The following EPHA6 variants were observed in gnomAD, a reference collection of about 807,000 sequenced individuals.
EPHA6 encodes the protein ephrin type-A receptor 6.
EPHA6 carries 50 observed loss-of-function variants against 112.0 expected under a neutral mutation model. The observed-to-expected ratio is 0.45, with a 90% CI of 0.36 to 0.56. EPHA6 has a LOEUF of 0.56. EPHA6 is among the 20% of genes least tolerant of loss of function. The probability of loss-of-function intolerance (pLI) is 0.00; values close to 1 mark genes in which losing one functional copy is unlikely to be tolerated. For missense variants in EPHA6, 1,280 were observed against 1,417.4 expected, an observed-to-expected ratio of 0.90 and a Z score of 1.56; for synonymous variants, 529 against 490.7, an observed-to-expected ratio of 1.08 and a Z score of -1.03.
chr3:97,653,445 G>A (rs190626763), intron 14 of EPHA6, among the ~76,000 whole-genome samples: 123 of 151,940 alleles, frequency 8.1e-4, no homozygotes, highest in African/African-American at 2.7e-3. Flanking sequence ...AAATAAAAAC[G>A]CAATAAGATA....
At chr3:96,950,340 A>C (rs1276535050) in intron 2 of EPHA6, among the ~76,000 whole-genome samples, 2 of 152,098 alleles carry the variant, frequency 1.3e-5, no homozygotes, top group African/African-American at 4.8e-5. Context: ...AAAGTGTAGG[A>C]CCTCTTAGGC....
intron 3 of EPHA6, among the ~76,000 whole-genome samples, chr3:97,032,462 GAAT>G (rs1419337549): frequency 6.6e-6 from 1 of 151,360 alleles, no homozygotes; most frequent in East Asian, 1.9e-4. Context: ...AAAATAAAAA[GAAT>G]AAAAAAAAGG....
chr3:97,750,683 A>C lies in EPHA6; in HGVS notation c.*1982A>C, dbSNP rs1293133644. Among the ~76,000 whole-genome samples, 1 of 151,860 alleles carries C rather than the reference A, an allele frequency of 6.6e-6. No homozygotes were observed. The highest frequency in any genetic ancestry group is 2.4e-5 in the African/African-American group (1 of 41,334). On this transcript the variant is annotated 3_prime_UTR_variant, in exon 18 of 18. Transcript: ENST00000389672. The stretch of plus-strand genomic sequence containing the variant: ...TTTTTCTTATATTTAGATTTTGTTG[A>C]TCGTCCCATTATACTAGACCCTTCT...
At chr3:97,495,573 G>C (rs888460870) in intron 10 of EPHA6, among the ~76,000 whole-genome samples, 2 of 151,670 alleles carry the variant, frequency 1.3e-5, no homozygotes, top group Non-Finnish European at 2.9e-5. Context: ...TTGTGTTTCT[G>C]TAAGTAAAAT....
At position 97,758,101 on chromosome 3, in the gene EPHA6, AC is replaced by A. The variant is rs1451802035; in HGVS notation, c.*9401del. 6.6e-6 allele frequency among the ~76,000 whole-genome samples: 1 copy of A among 152,010 alleles called. No homozygotes were observed. ...TTTTTATAGTTACTTCTCACTACTT[AC>A]TGCTTATTCAGTTTGTAAAATCTTA... On this transcript the variant is annotated 3_prime_UTR_variant, in exon 18 of 18. Transcript: ENST00000389672.
chr3:97,321,025 A>AT (rs899609911), intron 5 of EPHA6, among the ~76,000 whole-genome samples: 2 of 151,640 alleles, frequency 1.3e-5, no homozygotes, highest in Non-Finnish European at 2.9e-5. Flanking sequence ...ACAACTATTG[A>AT]TTTTTTTCTG....
At chr3:97,164,046 A>G (rs1483407146) in intron 3 of EPHA6, among the ~76,000 whole-genome samples, 6 of 152,180 alleles carry the variant, frequency 3.9e-5, no homozygotes, top group Admixed American at 3.3e-4. Context: ...AGGAATTCCA[A>G]TTCTTGAGCT....
At chr3:97,614,787 C>A (rs1186391234) in intron 13 of EPHA6, among the ~76,000 whole-genome samples, 1 of 152,000 alleles carries the variant, frequency 6.6e-6, no homozygotes, top group African/African-American at 2.4e-5. Flanking sequence ...TCAAAATATG[C>A]TCAGGGAAAG....
intron 5 of EPHA6, among the ~76,000 whole-genome samples, chr3:97,313,466 T>G (rs2108759311): frequency 6.6e-6 from 1 of 151,682 alleles, no homozygotes; most frequent in South Asian, 2.1e-4. Context: ...CATAGTATTT[T>G]CTAATATACC....
chr3:97,649,108 A>G (rs1307703364), intron 14 of EPHA6, among the ~76,000 whole-genome samples: 1 of 152,096 alleles, frequency 6.6e-6, no homozygotes, highest in Non-Finnish European at 1.5e-5. Context: ...GCTAATAAAG[A>G]CATATCTGAG....
At chr3:97,327,338 C>G (rs1314428714) in intron 5 of EPHA6, among the ~76,000 whole-genome samples, 1 of 151,902 alleles carries the variant, frequency 6.6e-6, no homozygotes, top group Non-Finnish European at 1.5e-5. Context: ...ATACAGAGAT[C>G]CCTTGTGTAC....
chr3:97,272,319 TG>T (rs2079912169), intron 5 of EPHA6, among the ~76,000 whole-genome samples: 1 of 149,536 alleles, frequency 6.7e-6, no homozygotes, highest in African/African-American at 2.5e-5. Flanking sequence ...TGTGTGTGTG[TG>T]TGTGTGTGTG....
chr3:97,104,854 T>C (rs561046081), intron 3 of EPHA6, among the ~76,000 whole-genome samples: 1 of 152,214 alleles, frequency 6.6e-6, no homozygotes, highest in South Asian at 2.1e-4. Context: ...ATCAGTTGCT[T>C]CCTGCTTCAA....
intron 3 of EPHA6, among the ~76,000 whole-genome samples, chr3:97,007,671 C>G (rs1169036527): frequency 6.6e-6 from 1 of 152,024 alleles, no homozygotes; most frequent in South Asian, 2.1e-4. Flanking sequence ...ATTTTGCATA[C>G]TAGTTGATGT....
At chr3:97,128,519 A>AT (rs991875870) in intron 3 of EPHA6, among the ~76,000 whole-genome samples, 4 of 151,412 alleles carry the variant, frequency 2.6e-5, no homozygotes, top group Admixed American at 2.6e-4. Context: ...ATTTTGGGGG[A>AT]TTTTTTTTGG....
chr3:97,031,099 T>C (rs1384611619), intron 3 of EPHA6, among the ~76,000 whole-genome samples: 2 of 151,992 alleles, frequency 1.3e-5, no homozygotes, highest in African/African-American at 4.8e-5. Flanking sequence ...AAAACAGAGA[T>C]ATAGGCCAAT....
At chr3:97,251,145 C>T (rs1300564559) in intron 5 of EPHA6, among the ~76,000 whole-genome samples, 1 of 152,036 alleles carries the variant, frequency 6.6e-6, no homozygotes, top group African/African-American at 2.4e-5. Context: ...GGATTACAGG[C>T]ATGAGCCACG....
chr3:96,881,470 T>TG (rs1472966127), intron 2 of EPHA6, among the ~76,000 whole-genome samples: 13 of 152,270 alleles, frequency 8.5e-5, no homozygotes, highest in Non-Finnish European at 1.6e-4. Context: ...GAGAACCGTA[T>TG]GGGGGAAACT....
chr3:97,736,740 A>G (rs2035279343), intron 16 of EPHA6, among the ~76,000 whole-genome samples: 1 of 151,992 alleles, frequency 6.6e-6, no homozygotes, highest in Non-Finnish European at 1.5e-5. Flanking sequence ...ACTTGAGAAG[A>G]TCTACTCACC....
Sources: allele counts gnomAD v4.1 joint callset (sites outside exome capture counted in the v4.1 genomes callset), GRCh38; gene constraint gnomAD v4.1.1; transcripts MANE v1.5; gene names NCBI Gene and HGNC (gene_info 2026-07-23, HGNC 2026-07-21).